The following VIPR2 variants were observed in gnomAD, a reference collection of about 807,000 sequenced individuals.
VIPR2 encodes vasoactive intestinal polypeptide receptor 2.
VIPR2 carries 48 observed loss-of-function variants against 58.0 expected under a neutral mutation model. The ratio of observed to expected loss-of-function variants is 0.83; its 90% CI spans 0.66 to 1.05. VIPR2 has a LOEUF of 1.05. Among genes scored for constraint, VIPR2 ranks in the 50% least tolerant of loss-of-function variants. VIPR2 has a pLI of 0.00. For synonymous variants in VIPR2, 243 were observed against 235.2 expected (o/e 1.03, Z -0.30); for missense variants, 534 against 558.0 (o/e 0.96, Z 0.43).
chr7:159,050,946 G>A (rs575572438), intron 5 of VIPR2, among the ~76,000 whole-genome samples: 12 of 152,220 alleles, frequency 7.9e-5, no homozygotes, highest in Non-Finnish European at 8.8e-5. Flanking sequence ...AAGAGGTCAC[G>A]ACGTACATCT....
intron 4 of VIPR2, among the ~76,000 whole-genome samples, chr7:159,091,229 A>G (rs1201853849): frequency 1.3e-5 from 2 of 152,260 alleles, no homozygotes; most frequent in Non-Finnish European, 2.9e-5. Flanking sequence ...AGGTTAATAG[A>G]GGGCTTTGCG....
chr7:159,050,889 C>T (rs1854966017), intron 5 of VIPR2, among the ~76,000 whole-genome samples: 1 of 152,226 alleles, frequency 6.6e-6, no homozygotes, highest in Admixed American at 6.5e-5. Flanking sequence ...GGAAAAAAGA[C>T]ACACTGCCTC....
At chr7:159,116,336 C>T in intron 2 of VIPR2, among the ~76,000 whole-genome samples, 1 of 152,332 alleles carries the variant, frequency 6.6e-6, no homozygotes, top group Non-Finnish European at 1.5e-5. Context: ...GGGAAGCAAA[C>T]AGCTGGCAGA....
chr7:159,133,034 A>ATGATTGGCATACAG (rs1563355780), intron 2 of VIPR2, among the ~76,000 whole-genome samples: 2 of 123,358 alleles, frequency 1.6e-5, no homozygotes, highest in South Asian at 2.2e-4. Context: ...AATGATTCCA[A>ATGATTGGCATACAG]AAATGCAGCC....
intron 1 of VIPR2, 87 bp from the exon 2 acceptor site, chr7:159,142,632 A>G: frequency 6.3e-6 from 6 of 959,270 alleles, no homozygotes; most frequent in Non-Finnish European, 9.7e-6. Flanking sequence ...ACAACCCCAA[A>G]CCTCACAGCT....
chr7:159,032,843 C>T (rs1853677772), intron 10 of VIPR2, among the ~76,000 whole-genome samples: 1 of 152,066 alleles, frequency 6.6e-6, no homozygotes, highest in South Asian at 2.1e-4. Flanking sequence ...AAACAAGATT[C>T]ACAGGAAATC....
intron 4 of VIPR2, among the ~76,000 whole-genome samples, chr7:159,103,363 A>G (rs912884592): frequency 6.6e-6 from 1 of 152,194 alleles, no homozygotes; most frequent in Non-Finnish European, 1.5e-5. Context: ...CATGGCGCTG[A>G]CTTCTCAATG....
rs558080630 is a variant in VIPR2, at chr7:159,090,613, G to A, written c.357+13144C>T. Reference sequence around the variant, plus strand: ...CGGTGACCTCAGCACAGACACGCTGGGACCACACACAGAGGCCACCTCTTA... The same window carrying A: ...CGGTGACCTCAGCACAGACACGCTGAGACCACACACAGAGGCCACCTCTTA... On this transcript the variant is annotated intron_variant, in intron 4 of 12. Coordinates refer to ENST00000262178, the MANE Select transcript of VIPR2 (RefSeq NM_003382.5). Among the ~76,000 whole-genome samples the A allele has an allele frequency of 7.3e-4, 94 of 128,938 alleles. 2 individuals are homozygous for A. The highest frequency in any genetic ancestry group is 1.3e-3 in the Non-Finnish European group (82 of 62,826). The allele number at this position is 128,938 out of a possible 152,430, so 84.6% of individuals were successfully genotyped here.
intron 4 of VIPR2, among the ~76,000 whole-genome samples, chr7:159,092,158 GCA>G (rs1230783197): frequency 6.6e-6 from 1 of 152,238 alleles, no homozygotes; most frequent in African/African-American, 2.4e-5. Flanking sequence ...CTTCCCACCT[GCA>G]CAGACTGCCC....
At chr7:159,053,080 T>C (rs921491899) in intron 5 of VIPR2, among the ~76,000 whole-genome samples, 3 of 151,996 alleles carry the variant, frequency 2.0e-5, no homozygotes, top group African/African-American at 7.2e-5. Context: ...CATAAATGGA[T>C]TTAGTGAGGT....
intron 4 of VIPR2, among the ~76,000 whole-genome samples, chr7:159,083,522 G>A (rs1857018163): frequency 6.6e-6 from 1 of 152,182 alleles, no homozygotes; most frequent in African/African-American, 2.4e-5. Context: ...CCATAGCAGA[G>A]TCCTTCACAC....
At position 159,097,177 on chromosome 7, in the gene VIPR2, G is replaced by A. The variant is rs966639651; in HGVS notation, c.357+6580C>T. On this transcript the variant is annotated intron_variant, in intron 4 of 12. Transcript: ENST00000262178. This position sits in a 1 kb window ranked among gnomAD's most constrained non-coding sequence, Gnocchi z 5.3. ...CCAGCTGCTGTGATCTTTGTCACCA[G>A]GGATGGGAGCCCTGGGGAGTGAAGT... 6.9e-7 allele frequency: 1 copy of A among 1,443,758 alleles called. No individual in the cohort carries two copies. Among genetic ancestry groups the A allele is most frequent in the Non-Finnish European group, 9.1e-7 (1 of 1,093,374 alleles). The allele number at this position is 1,443,758 out of a possible 1,614,324, so 89.4% of individuals were successfully genotyped here. A position where few individuals can be genotyped will look rare whatever the true frequency, so the allele number is the denominator to read the frequency against.
chr7:159,040,412 A>C (rs1353471688), intron 6 of VIPR2, among the ~76,000 whole-genome samples: 1 of 152,210 alleles, frequency 6.6e-6, no homozygotes, highest in Non-Finnish European at 1.5e-5. Flanking sequence ...CAGCTTAGTA[A>C]GCTTGGGGGT....
intron 4 of VIPR2, among the ~76,000 whole-genome samples, chr7:159,063,518 C>T (rs1398997099): frequency 2.0e-5 from 3 of 152,008 alleles, no homozygotes; most frequent in Non-Finnish European, 4.4e-5. Context: ...TCTCCCTCCA[C>T]ACCTCCCTGC....
intron 2 of VIPR2, among the ~76,000 whole-genome samples, 168 bp downstream of exon 2, chr7:159,142,278 C>A (rs1241747552): frequency 6.6e-6 from 1 of 152,028 alleles, no homozygotes; most frequent in Non-Finnish European, 1.5e-5. Context: ...ACCTATCCAA[C>A]TCTCTCTGAG....
intron 4 of VIPR2, among the ~76,000 whole-genome samples, chr7:159,071,440 C>A (rs79763140): frequency 0.085 from 12,977 of 152,222 alleles, 611 homozygotes; most frequent in Middle Eastern, 0.14. Context: ...AATCTTGGCT[C>A]TGAGCATCTC....
rs892058567 is a variant in VIPR2 at position 159,036,153 on chromosome 7, A to G, written c.749-141T>C. 9.2e-5 allele frequency: 98 copies of G among 1,070,702 alleles called. No individual in the cohort carries two copies. In the African/African-American group the frequency reaches 1.5e-3, roughly 17 times the overall value. 66.3% of individuals were successfully genotyped at this position (1,070,702 alleles called of 1,614,324 possible). On this transcript the variant is annotated intron_variant, in intron 7 of 12. Transcript: ENST00000262178. ...AATCTCTTGTTTAAAGTCTTTGTAA[A>G]TATTTACAAGTTTATGCTCATGCCT...
At chr7:159,086,659 T>C (rs1200672001) in intron 4 of VIPR2, among the ~76,000 whole-genome samples, 3 of 152,256 alleles carry the variant, frequency 2.0e-5, no homozygotes, top group Admixed American at 6.5e-5. Flanking sequence ...ACAGCTGCGC[T>C]GATTCTCCAT....
intron 1 of VIPR2, among the ~76,000 whole-genome samples, chr7:159,142,766 T>C (rs1031513110): frequency 1.3e-5 from 2 of 151,884 alleles, no homozygotes. Flanking sequence ...CTAATAGAAT[T>C]TTTTTTCTGA....
Sources: gnomAD v4.1 joint callset for allele counts (sites outside exome capture counted in the v4.1 genomes callset) on GRCh38, gnomAD v4.1.1 for gene constraint, Gnocchi (gnomAD v3.1) non-coding constraint, MANE v1.5 for transcripts, NCBI Gene and HGNC (gene_info 2026-07-23, HGNC 2026-07-21) for gene names.